Variants in HDAC9 observed in about 807,000 individuals in gnomAD.
HDAC9 encodes the protein histone deacetylase 9, also known as MEF-2 interacting transcription repressor (MITR) protein.
In HDAC9, 41 loss-of-function variants were observed where a neutral mutation model predicts 139.4. That is an observed-to-expected ratio of 0.29 (90% CI 0.23 to 0.38). The LOEUF is 0.38. HDAC9 is among the 10% of genes least tolerant of loss of function. HDAC9 has a pLI of 1.00. For missense variants in HDAC9, 1,147 were observed against 1,297.0 expected, an observed-to-expected ratio of 0.88 and a Z score of 1.78; for synonymous variants, 517 against 476.2, an observed-to-expected ratio of 1.09 and a Z score of -1.12.
At chr7:18,284,195 A>G (rs1179808582) in intron 2 of HDAC9, among the ~76,000 whole-genome samples, 3 of 152,166 alleles carry the variant, frequency 2.0e-5, no homozygotes, top group Non-Finnish European at 2.9e-5. Context: ...ACTTGATTTT[A>G]TGATCATATA....
At chr7:18,427,483 A>G (rs1790226190) in intron 1 of HDAC9, among the ~76,000 whole-genome samples, 2 of 151,916 alleles carry the variant, frequency 1.3e-5, no homozygotes, top group African/African-American at 4.8e-5. Flanking sequence ...TCTAAACACA[A>G]GCAGCCTCCC....
intron 2 of HDAC9, among the ~76,000 whole-genome samples, chr7:18,561,403 C>G (rs939996618): frequency 2.6e-5 from 4 of 152,110 alleles, no homozygotes; most frequent in African/African-American, 9.7e-5. Context: ...GCCTAGAGCT[C>G]AGTATATCTA....
chr7:18,744,012 G>GTTTTTTTTTT lies in HDAC9; in HGVS notation c.1910-4981_1910-4972dup, dbSNP rs35414332. Among the ~76,000 whole-genome samples the GTTTTTTTTTT allele has an allele frequency of 4.5e-3, 501 of 110,420 alleles. 17 individuals carry two copies. Among genetic ancestry groups the GTTTTTTTTTT allele is most frequent in the African/African-American group, 0.016 (463 of 28,950 alleles). The allele number at this position is 110,420 out of a possible 152,430, so 72.4% of individuals were successfully genotyped here. A position where few individuals can be genotyped will look rare whatever the true frequency, so the allele number is the denominator to read the frequency against. On this transcript the variant is annotated intron_variant, in intron 13 of 25. Transcript: ENST00000686413. The stretch of plus-strand genomic sequence containing the variant: ...TTTTTACATCTCACTTTTACTACTA[G>GTTTTTTTTTT]TTTTTTTTTTTTTTTTTTTTTGAGA...
intron 1 of HDAC9, among the ~76,000 whole-genome samples, chr7:18,341,378 C>T (rs1781997152): frequency 1.3e-5 from 2 of 151,784 alleles, no homozygotes; most frequent in South Asian, 4.1e-4. Context: ...ATATATGTAA[C>T]TTAAAATGCT....
intron 1 of HDAC9, among the ~76,000 whole-genome samples, chr7:18,337,218 G>A (rs1781648823): frequency 6.6e-6 from 1 of 151,518 alleles, no homozygotes; most frequent in South Asian, 2.1e-4. Flanking sequence ...TTATACTTCT[G>A]TATTTTATTT....
chr7:18,586,103 A>G (rs547446182), intron 3 of HDAC9, among the ~76,000 whole-genome samples: 1 of 152,314 alleles, frequency 6.6e-6, no homozygotes, highest in Admixed American at 6.5e-5. Context: ...TAGACTGTAG[A>G]TAAGAATTTA....
chr7:18,605,132 T>G (rs1413707489), intron 6 of HDAC9, among the ~76,000 whole-genome samples: 3 of 152,162 alleles, frequency 2.0e-5, no homozygotes, highest in Non-Finnish European at 4.4e-5. Context: ...ATTTTTTTCC[T>G]TCTCCTATTG....
At chr7:18,571,576 C>T (rs982362890) in intron 2 of HDAC9, among the ~76,000 whole-genome samples, 1 of 151,860 alleles carries the variant, frequency 6.6e-6, no homozygotes. Flanking sequence ...CAGTGCAGTC[C>T]TATATTAGGA....
intron 2 of HDAC9, among the ~76,000 whole-genome samples, chr7:18,176,110 G>C (rs974071393): frequency 5.3e-5 from 8 of 152,128 alleles, no homozygotes; most frequent in African/African-American, 1.7e-4. Flanking sequence ...TTTTCAGAAA[G>C]AAATGTCAAA....
chr7:18,810,078 G>A (rs1190052362), intron 17 of HDAC9, among the ~76,000 whole-genome samples: 1 of 151,926 alleles, frequency 6.6e-6, no homozygotes, highest in African/African-American at 2.4e-5. Flanking sequence ...CAACGTGGAT[G>A]TTCCTGGAAG....
chr7:18,719,383 A>G (rs1196852349), intron 12 of HDAC9, among the ~76,000 whole-genome samples: 6 of 92,500 alleles, frequency 6.5e-5, no homozygotes, highest in Non-Finnish European at 9.8e-5. Flanking sequence ...CTTGTCGCCC[A>G]GGCTGGAGTG....
chr7:18,617,317 T>A (rs1264439070), intron 6 of HDAC9, among the ~76,000 whole-genome samples: 1 of 152,144 alleles, frequency 6.6e-6, no homozygotes. Flanking sequence ...GCATGATCTC[T>A]GTCTCCTTAT....
intron 1 of HDAC9, among the ~76,000 whole-genome samples, chr7:18,098,352 T>G (rs945274349): frequency 3.3e-5 from 5 of 152,254 alleles, no homozygotes; most frequent in African/African-American, 4.8e-5. Flanking sequence ...TCTAGTAGTA[T>G]GTAATGGTTA....
intron 23 of HDAC9, chr7:18,949,016 TG>T: frequency 2.4e-6 from 1 of 410,108 alleles, no homozygotes; most frequent in Non-Finnish European, 4.7e-6. Flanking sequence ...ACCACCTTTT[TG>T]TGTACTTGCT....
At chr7:18,608,522 A>T (rs536391112) in intron 6 of HDAC9, among the ~76,000 whole-genome samples, 1 of 152,278 alleles carries the variant, frequency 6.6e-6, no homozygotes, top group East Asian at 1.9e-4. Flanking sequence ...GATAAATTCT[A>T]AAGTTATTTT....
At chr7:18,407,438 G>T (rs1290584146) in intron 1 of HDAC9, among the ~76,000 whole-genome samples, 4 of 152,098 alleles carry the variant, frequency 2.6e-5, no homozygotes, top group African/African-American at 9.7e-5. Flanking sequence ...TCTCAAAGTG[G>T]GGTGACACGT....
intron 2 of HDAC9, among the ~76,000 whole-genome samples, chr7:18,530,847 G>C (rs1034665838): frequency 1.3e-5 from 2 of 150,356 alleles, no homozygotes; most frequent in African/African-American, 4.9e-5. Context: ...ACTTATAAAA[G>C]TGTGAGAATT....
At chr7:18,791,068 A>G (rs919754866) in intron 16 of HDAC9, among the ~76,000 whole-genome samples, 1 of 152,206 alleles carries the variant, frequency 6.6e-6, no homozygotes, top group Admixed American at 6.5e-5. Flanking sequence ...ACGCAAACGT[A>G]TTTGTGGCTA....
chr7:18,271,012 T>G (rs1159649164), intron 2 of HDAC9, among the ~76,000 whole-genome samples: 1 of 152,086 alleles, frequency 6.6e-6, no homozygotes, highest in Non-Finnish European at 1.5e-5. Flanking sequence ...CTGGAAAAAA[T>G]GCTCAGGGTA....
Sources: gnomAD v4.1 joint callset for allele counts (sites outside exome capture counted in the v4.1 genomes callset) on GRCh38, gnomAD v4.1.1 for gene constraint, MANE v1.5 for transcripts, NCBI Gene and HGNC (gene_info 2026-07-23, HGNC 2026-07-21) for gene names.